CRTC1: variants seen among roughly 807,000 people sequenced by gnomAD.
The protein encoded by CRTC1 is CREB regulated transcription coactivator 1, also known as CREB-regulated transcription coactivator 1.
In CRTC1, 18 loss-of-function variants were observed where a neutral mutation model predicts 66.1. The observed-to-expected ratio is 0.27, with a 90% CI of 0.19 to 0.40. CRTC1 has a LOEUF of 0.40. Ranked by LOEUF, CRTC1 falls within the 10% of genes least tolerant of loss-of-function variation. CRTC1 has a pLI of 1.00. For synonymous variants in CRTC1, 416 were observed against 398.8 expected, an observed-to-expected ratio of 1.04 and a Z score of -0.51; for missense variants, 669 against 887.9, an observed-to-expected ratio of 0.75 and a Z score of 3.13.
chr19:18,767,178 A>C (rs1055587548), intron 9 of CRTC1, among the ~76,000 whole-genome samples: 6 of 151,994 alleles, frequency 3.9e-5, no homozygotes, highest in African/African-American at 1.4e-4. Context: ...ACATTTTTAA[A>C]ATTTTTTTAT....
At chr19:18,743,630 G>T (rs1233431410) in intron 2 of CRTC1, among the ~76,000 whole-genome samples, 2 of 83,840 alleles carry the variant, frequency 2.4e-5, no homozygotes, top group Non-Finnish European at 4.6e-5. Flanking sequence ...AGGTCCCCCT[G>T]GGGGGGGGTC....
chr19:18,750,773 G>A (rs538184275), intron 5 of CRTC1, among the ~76,000 whole-genome samples: 19 of 152,328 alleles, frequency 1.2e-4, no homozygotes, highest in African/African-American at 3.8e-4. Context: ...CCGGCTCAGC[G>A]TGCAGCAGAG....
chr19:18,698,879 G>T (rs980085885), intron 1 of CRTC1, among the ~76,000 whole-genome samples: 3 of 151,430 alleles, frequency 2.0e-5, no homozygotes, highest in Non-Finnish European at 4.4e-5. Flanking sequence ...TGTGTACTCA[G>T]TAGGCGCAGT....
In CRTC1 at chr19:18,769,511, A is replaced by C. The variant is rs145425643; in HGVS notation, c.1320+718A>C. On this transcript the variant is annotated intron_variant, in intron 10 of 13. Transcript: ENST00000321949. ...GTCCTCCAAACATTGTGTGCTCTGC[A>C]AAGAACAGCCGCCTGAGCTGGGTGG... 2.1e-3 allele frequency among the ~76,000 whole-genome samples: 313 copies of C among 152,362 alleles called. 1 individual carries two copies. The highest frequency in any genetic ancestry group is 7.1e-3 in the African/African-American group (295 of 41,586).
chr19:18,771,432 G>A lies in CRTC1; in HGVS notation c.1321-10G>A, dbSNP rs773559913. On this transcript the variant is annotated splice_polypyrimidine_tract_variant and intron_variant, in intron 10 of 13. Transcript: ENST00000321949. This position sits in a 1 kb window ranked among gnomAD's most constrained non-coding sequence, Gnocchi z 4.6. The stretch of plus-strand genomic sequence containing the variant: ...TGGGCTGCGGCGTGCTGATCTGTCT[G>A]TCATCGCAGGCGCCGGCTCTGCAGC... 1 of 1,609,676 alleles carries A rather than the reference G, an allele frequency of 6.2e-7. No individual in the cohort carries two copies. The highest frequency in any genetic ancestry group is 8.5e-7 in the Non-Finnish European group (1 of 1,177,948).
chr19:18,750,434 G>C (rs117844523), intron 5 of CRTC1, among the ~76,000 whole-genome samples: 5,459 of 152,330 alleles, frequency 0.036, 162 homozygotes, highest in Non-Finnish European at 0.052. Context: ...CTGTGGCGGG[G>C]ACAGATCTGT....
At chr19:18,694,353 T>C (rs2052933558) in intron 1 of CRTC1, among the ~76,000 whole-genome samples, 1 of 151,506 alleles carries the variant, frequency 6.6e-6, no homozygotes, top group Non-Finnish European at 1.5e-5. Flanking sequence ...AAAGTACCAG[T>C]TGGGACCCAC....
intron 1 of CRTC1, among the ~76,000 whole-genome samples, chr19:18,718,054 C>T (rs1015848652): frequency 1.5e-4 from 23 of 152,292 alleles, no homozygotes; most frequent in South Asian, 8.3e-4. Context: ...AGTTCCATGG[C>T]GTTTGGCGCA....
At chr19:18,775,556 G>T in intron 12 of CRTC1, 85 bp from the exon 13 acceptor site, 1 of 1,250,286 alleles carries the variant, frequency 8.0e-7, no homozygotes, top group Non-Finnish European at 1.1e-6. Context: ...CTGCGGGCAG[G>T]ACAGCCACAG....
chr19:18,759,077 T>C (rs1362249588), intron 6 of CRTC1, among the ~76,000 whole-genome samples: 3 of 152,172 alleles, frequency 2.0e-5, no homozygotes, highest in Non-Finnish European at 4.4e-5. Context: ...CAGTGACGCG[T>C]GCCTATGGTC....
chr19:18,703,301 G>A (rs1266054851), intron 1 of CRTC1, among the ~76,000 whole-genome samples: 1 of 151,750 alleles, frequency 6.6e-6, no homozygotes, highest in Non-Finnish European at 1.5e-5. Context: ...CCAAAGTGCT[G>A]GGATTACAGG....
chr19:18,702,692 ACCC>A (rs1411690853), intron 1 of CRTC1, among the ~76,000 whole-genome samples: 1 of 149,968 alleles, frequency 6.7e-6, no homozygotes, highest in Admixed American at 6.7e-5. Context: ...GCGCCACCAC[ACCC>A]GGCTAATTTT....
Position 18,694,167 on chromosome 19 carries a change from G to A in CRTC1, c.126+10339G>A, listed in dbSNP as rs2052926301. Among the ~76,000 whole-genome samples the A allele has an allele frequency of 2.7e-5, 4 of 150,900 alleles. No individual in the cohort carries two copies. In the South Asian group the frequency reaches 8.4e-4, roughly 32 times the overall value. On this transcript the variant is annotated intron_variant, in intron 1 of 13. Coordinates refer to ENST00000321949, the MANE Select transcript of CRTC1 (RefSeq NM_015321.3). ...AAAAAAAAAAATAGGCTGGCATGGT[G>A]GCTCATGCCTGTGGTCCCAGCTACT... is the stretch of plus-strand genomic sequence containing the variant.
At chr19:18,761,951 G>T (rs1486386277) in intron 8 of CRTC1, among the ~76,000 whole-genome samples, 1 of 152,164 alleles carries the variant, frequency 6.6e-6, no homozygotes, top group Non-Finnish European at 1.5e-5. Flanking sequence ...CTGGACAGAG[G>T]GCACCAGAGA....
chr19:18,725,041 C>T (rs1036331771), intron 1 of CRTC1, among the ~76,000 whole-genome samples: 5 of 152,162 alleles, frequency 3.3e-5, no homozygotes, highest in Admixed American at 6.5e-5. Flanking sequence ...CCCTTGGACC[C>T]GCCTGGAGCT....
At chr19:18,745,768 C>T in intron 2 of CRTC1, 55 bp from the exon 3 acceptor site, 1 of 1,608,802 alleles carries the variant, frequency 6.2e-7, no homozygotes, top group Non-Finnish European at 8.5e-7. Flanking sequence ...GGGGCCACAG[C>T]TGGTAACCAT....
intron 1 of CRTC1, among the ~76,000 whole-genome samples, chr19:18,696,234 G>A (rs1415042111): frequency 6.6e-6 from 1 of 152,144 alleles, no homozygotes; most frequent in Non-Finnish European, 1.5e-5. Flanking sequence ...TCTGGGAGTT[G>A]GCCGGCTGGT....
intron 1 of CRTC1, among the ~76,000 whole-genome samples, chr19:18,706,832 T>G (rs75186747): frequency 0.06 from 9,189 of 152,260 alleles, 356 homozygotes; most frequent in Non-Finnish European, 0.092. Flanking sequence ...GCCCTTGTTT[T>G]TTAGCGCTTT....
chr19:18,774,215 G>C (rs988216052), intron 11 of CRTC1, among the ~76,000 whole-genome samples: 1 of 152,158 alleles, frequency 6.6e-6, no homozygotes, highest in Admixed American at 6.5e-5. Flanking sequence ...CCATCTCTTG[G>C]GGAGGGGCTC....
Sources: allele counts gnomAD v4.1 joint callset (sites outside exome capture counted in the v4.1 genomes callset), GRCh38; gene constraint gnomAD v4.1.1; non-coding constraint Gnocchi (gnomAD v3.1); transcripts MANE v1.5; gene names NCBI Gene and HGNC (gene_info 2026-07-23, HGNC 2026-07-21).